Variants in EYA2 observed in about 807,000 individuals in gnomAD.
The protein encoded by EYA2 is EYA transcriptional coactivator and phosphatase 2.
A neutral mutation model predicts 69.2 loss-of-function variants in EYA2; 31 were observed. The observed-to-expected ratio is 0.45, with a 90% CI of 0.34 to 0.60. The LOEUF is 0.60. EYA2 is among the 20% of genes least tolerant of loss of function. EYA2 has a pLI of 0.02. For missense variants in EYA2, 622 were observed against 701.2 expected (o/e 0.89, Z 1.28); for synonymous variants, 257 against 279.4 (o/e 0.92, Z 0.80).
At chr20:46,912,891 G>A (rs1210734334) in intron 1 of EYA2, among the ~76,000 whole-genome samples, 2 of 151,052 alleles carry the variant, frequency 1.3e-5, no homozygotes, top group Admixed American at 6.6e-5. Flanking sequence ...TAGTAGAGAC[G>A]GGGTTTCACC....
chr20:47,161,434 G>T, intron 10 of EYA2: 1 of 421,762 alleles, frequency 2.4e-6, no homozygotes, highest in Non-Finnish European at 4.5e-6. Flanking sequence ...GAAGCCCCCA[G>T]GAAAAAGTCA....
intron 5 of EYA2, among the ~76,000 whole-genome samples, chr20:47,045,243 G>T (rs2029970140): frequency 6.6e-6 from 1 of 152,200 alleles, no homozygotes; most frequent in African/African-American, 2.4e-5. Flanking sequence ...GGCAGCTGGT[G>T]CTACTATAGG....
At chr20:47,130,261 C>CTTTTTTTTTGTTTTT (rs2033306199) in intron 9 of EYA2, among the ~76,000 whole-genome samples, 1 of 81,260 alleles carries the variant, frequency 1.2e-5, no homozygotes, top group African/African-American at 5.8e-5. Context: ...GGTTTATTTT[C>CTTTTTTTTTGTTTTT]TTTTTTTTTT....
chr20:47,038,194 G>A (rs181204992), intron 5 of EYA2, among the ~76,000 whole-genome samples: 11 of 152,196 alleles, frequency 7.2e-5, no homozygotes, highest in South Asian at 2.1e-4. Flanking sequence ...GGGGTGGGGC[G>A]GTCAGGGAAA....
intron 1 of EYA2, among the ~76,000 whole-genome samples, chr20:46,900,517 GA>G (rs1984047827): frequency 1.3e-5 from 2 of 152,176 alleles, no homozygotes; most frequent in Non-Finnish European, 1.5e-5. Flanking sequence ...TGTCAAGAAA[GA>G]AAATTACAGC....
intron 11 of EYA2, among the ~76,000 whole-genome samples, chr20:47,171,961 A>T (rs956466498): frequency 6.6e-6 from 1 of 151,698 alleles, no homozygotes; most frequent in African/African-American, 2.4e-5. Context: ...GGTGTGGTGG[A>T]GGGCACCTGT....
At chr20:46,949,832 C>T (rs528919171) in intron 1 of EYA2, among the ~76,000 whole-genome samples, 21 of 152,358 alleles carry the variant, frequency 1.4e-4, no homozygotes, top group South Asian at 8.3e-4. Flanking sequence ...GGTTGCAACC[C>T]TTGGCTGTGC....
chr20:46,932,841 G>A (rs1037930423), intron 1 of EYA2, among the ~76,000 whole-genome samples: 4 of 152,068 alleles, frequency 2.6e-5, no homozygotes, highest in Non-Finnish European at 4.4e-5. Flanking sequence ...AGCCGAGATC[G>A]AGCCACTGCA....
intron 1 of EYA2, among the ~76,000 whole-genome samples, chr20:46,914,393 C>A (rs1452002071): frequency 6.6e-6 from 1 of 152,166 alleles, no homozygotes; most frequent in Non-Finnish European, 1.5e-5. Context: ...GTGTGTATTA[C>A]TCCATTCTCA....
At chr20:46,978,471 G>T in intron 1 of EYA2, 1 of 458,638 alleles carries the variant, frequency 2.2e-6, no homozygotes, top group Non-Finnish European at 4.5e-6. Flanking sequence ...AGAGGGAACA[G>T]CATGTACAAA....
At chr20:47,133,382 G>C (rs1230971244) in intron 9 of EYA2, among the ~76,000 whole-genome samples, 1 of 152,190 alleles carries the variant, frequency 6.6e-6, no homozygotes. Context: ...CACCCTGAAA[G>C]ACCCATAATG....
chr20:47,129,884 A>C (rs767138525), intron 9 of EYA2, among the ~76,000 whole-genome samples: 1 of 152,206 alleles, frequency 6.6e-6, no homozygotes, highest in Non-Finnish European at 1.5e-5. Flanking sequence ...TTGGGGAACT[A>C]TCTCTTAATC....
At chr20:47,157,674 C>T (rs2033982414) in intron 10 of EYA2, among the ~76,000 whole-genome samples, 1 of 151,884 alleles carries the variant, frequency 6.6e-6, no homozygotes, top group African/African-American at 2.4e-5. Context: ...GTGAGATTGA[C>T]ACTTTTCAGG....
intron 4 of EYA2, among the ~76,000 whole-genome samples, chr20:47,010,285 T>G (rs6090600): frequency 0.49 from 73,985 of 152,092 alleles, 19,299 homozygotes; most frequent in Non-Finnish European, 0.6. Context: ...GGCTGGCCAG[T>G]TGGGCCTGCT....
At chr20:46,912,938 G>A (rs1360334224) in intron 1 of EYA2, among the ~76,000 whole-genome samples, 2 of 151,238 alleles carry the variant, frequency 1.3e-5, no homozygotes, top group African/African-American at 4.9e-5. Flanking sequence ...CTGACCTCAT[G>A]ATCCACCCGC....
intron 7 of EYA2, among the ~76,000 whole-genome samples, chr20:47,086,515 A>G (rs2031897897): frequency 6.8e-6 from 1 of 147,514 alleles, no homozygotes; most frequent in South Asian, 2.2e-4. Flanking sequence ...CGTCTTACAT[A>G]GCCAGAGCAG....
At chr20:47,042,701 G>T (rs1185148170) in intron 5 of EYA2, among the ~76,000 whole-genome samples, 1 of 152,138 alleles carries the variant, frequency 6.6e-6, no homozygotes, top group Non-Finnish European at 1.5e-5. Flanking sequence ...GCTTCCCTCT[G>T]TCGGTCTACC....
chr20:47,145,679 A>G (rs1287304331), intron 10 of EYA2, among the ~76,000 whole-genome samples: 1 of 152,114 alleles, frequency 6.6e-6, no homozygotes, highest in Non-Finnish European at 1.5e-5. Context: ...CGGGTGGATC[A>G]CTTGAGATCA....
intron 1 of EYA2, 131 bp from the exon 2 acceptor site, chr20:46,989,870 T>C (rs1981537956): frequency 2.0e-6 from 1 of 489,994 alleles, no homozygotes; most frequent in Non-Finnish European, 3.8e-6. Context: ...ATTTTTATCA[T>C]GTAGAATTTA....
Sources: gnomAD v4.1 joint callset for allele counts (sites outside exome capture counted in the v4.1 genomes callset) on GRCh38, gnomAD v4.1.1 for gene constraint, MANE v1.5 for transcripts, NCBI Gene and HGNC (gene_info 2026-07-23, HGNC 2026-07-21) for gene names.